Variants in SCAF4 observed in about 807,000 individuals in gnomAD.
The protein encoded by SCAF4 is SR-related CTD associated factor 4, also known as SR-related and CTD-associated factor 4.
In SCAF4, 25 loss-of-function variants were observed where a neutral mutation model predicts 129.8. The ratio of observed to expected loss-of-function variants is 0.19; its 90% CI spans 0.14 to 0.27. The LOEUF is 0.27. Among genes scored for constraint, SCAF4 ranks in the 10% least tolerant of loss-of-function variants. The probability of loss-of-function intolerance (pLI) is 1.00; values close to 1 mark genes in which losing one functional copy is unlikely to be tolerated. For synonymous variants in SCAF4, 551 were observed against 497.7 expected, an observed-to-expected ratio of 1.11 and a Z score of -1.43; for missense variants, 1,246 against 1,457.1, an observed-to-expected ratio of 0.86 and a Z score of 2.36.
rs1241806233 is a variant in SCAF4, at chr21:31,696,674, A to G, written c.854T>C (p.Val285Ala). 4.3e-6 allele frequency: 7 copies of G among 1,613,884 alleles called. No homozygotes were observed. Among genetic ancestry groups the G allele is most frequent in the Non-Finnish European group, 5.9e-6 (7 of 1,179,918 alleles). Residue 285 changes from valine to alanine, a missense_variant, in exon 8 of 20, where the codon GTC (valine) becomes GCC (alanine). Around this residue, in one of 6 missense-constraint regions of SCAF4, gnomAD observed 236 missense variants for 210.0 expected, o/e 1.12. Transcript: ENST00000286835. ...EESKKEDTTA[V>A]TTTAPAAAVP... is the part of the protein sequence containing the mutation. The stretch of plus-strand genomic sequence containing the variant: ...TGCGGCAGCAGGTGCTGTCGTGGTG[A>G]CGGCAGTGGTATCCTCTTTCTTTGA...
rs985617616 is a variant in SCAF4 at position 31,680,989 on chromosome 21, G to A, written c.2488+4060C>T. On this transcript the variant is annotated intron_variant, in intron 19 of 19. Transcript: ENST00000286835. Reference sequence around the variant, plus strand: ...TTCTGTCCCCACAATTTCCTGAGGTGTCCAAATCTGGAATCATCAACTCAA... The same window carrying A: ...TTCTGTCCCCACAATTTCCTGAGGTATCCAAATCTGGAATCATCAACTCAA... Among the ~76,000 whole-genome samples the A allele has an allele frequency of 1.4e-4, 22 of 152,310 alleles. 1 individual carries two copies. The highest frequency in any genetic ancestry group is 4.1e-4 in the South Asian group (2 of 4,828).
At chr21:31,677,086 C>T (rs931862041) in intron 19 of SCAF4, among the ~76,000 whole-genome samples, 1 of 152,028 alleles carries the variant, frequency 6.6e-6, no homozygotes. Context: ...CCCTAGTTGG[C>T]TTATCATTTT....
In SCAF4 at chr21:31,731,870, AGAGGCG is replaced by A. The variant is rs1412718916; in HGVS notation, c.-184_-179del. On this transcript the variant is annotated 5_prime_UTR_variant, in exon 1 of 20. Coordinates refer to ENST00000286835, the MANE Select transcript of SCAF4 (RefSeq NM_020706.2). ...AAGCGGCGAGGCGGGCGGCCGAGGC[AGAGGCG>A]GAGAGGTGGCGGGCCCCCTCTCAGT... is the stretch of plus-strand genomic sequence containing the variant. 2 of 579,214 alleles carry A rather than the reference AGAGGCG, an allele frequency of 3.5e-6. No homozygotes were observed. The highest frequency in any genetic ancestry group is 5.6e-6 in the Non-Finnish European group (2 of 357,822). The allele number at this position is 579,214 out of a possible 1,614,324, so 35.9% of individuals were successfully genotyped here. A position where few individuals can be genotyped will look rare whatever the true frequency, so the allele number is the denominator to read the frequency against.
intron 1 of SCAF4, among the ~76,000 whole-genome samples, chr21:31,717,874 T>TACACACACACACACACACACACACACAC (rs1402072429): frequency 1.4e-5 from 1 of 73,206 alleles, no homozygotes; most frequent in Admixed American, 1.7e-4. Flanking sequence ...CACACACATA[T>TACACACACACACACACACACACACACAC]ACACATATAT....
chr21:31,671,128 G>T lies in SCAF4; in HGVS notation c.*271C>A. ...TAAATTAAAAAAAAAAAAAAAAATA[G>T]AGAGCACTTCTAATTACGATTTGTA... is the stretch of plus-strand genomic sequence containing the variant. On this transcript the variant is annotated 3_prime_UTR_variant, in exon 20 of 20. Transcript: ENST00000286835. The T allele has an allele frequency of 5.9e-5, 15 of 255,356 alleles. No individual in the cohort carries two copies. Among genetic ancestry groups the T allele is most frequent in the Non-Finnish European group, 7.3e-5 (10 of 136,476 alleles). 15.8% of individuals were successfully genotyped at this position (255,356 alleles called of 1,614,324 possible).
intron 1 of SCAF4, among the ~76,000 whole-genome samples, chr21:31,730,809 T>A (rs1365862744): frequency 6.6e-6 from 1 of 152,222 alleles, no homozygotes; most frequent in East Asian, 1.9e-4. Context: ...TAGAGAACTT[T>A]AAGGCCGCAG....
At chr21:31,698,018 A>T (rs2050429403) in intron 7 of SCAF4, among the ~76,000 whole-genome samples, 1 of 152,226 alleles carries the variant, frequency 6.6e-6, no homozygotes, top group Non-Finnish European at 1.5e-5. Context: ...TAATTCAACA[A>T]CAGGACAGTC....
intron 4 of SCAF4, among the ~76,000 whole-genome samples, chr21:31,703,409 GGTT>G (rs1312402247): frequency 1.3e-5 from 2 of 152,090 alleles, no homozygotes; most frequent in Non-Finnish European, 2.9e-5. Context: ...ATAGGTACAA[GGTT>G]GTTCAGCAGA....
rs1229236323 is a variant in SCAF4, at chr21:31,671,069, ATTG to A, written c.*327_*329del. ...AATAGAGTTTATTAAAAACATCCCT[ATTG>A]TTTTGAGGAGCTTTCACCGTTACCT... On this transcript the variant is annotated 3_prime_UTR_variant, in exon 20 of 20. Transcript: ENST00000286835. 3.6e-5 allele frequency: 8 copies of A among 220,342 alleles called. No individual in the cohort carries two copies. The highest frequency in any genetic ancestry group is 6.2e-5 in the Non-Finnish European group (7 of 113,352). The allele number at this position is 220,342 out of a possible 1,614,324, so 13.6% of individuals were successfully genotyped here.
intron 15 of SCAF4, 71 bp downstream of exon 15, chr21:31,690,726 G>A (rs1343254489): frequency 7.1e-7 from 1 of 1,404,510 alleles, no homozygotes; most frequent in African/African-American, 1.4e-5. Context: ...GCAAGGAACA[G>A]GACATTCGAT....
At chr21:31,688,186 T>C in intron 16 of SCAF4, 121 bp downstream of exon 16, 1 of 444,462 alleles carries the variant, frequency 2.2e-6, no homozygotes, top group Non-Finnish European at 3.3e-6. Flanking sequence ...ACATGAAAAA[T>C]GTAATATGCA....
At chr21:31,722,057 A>T (rs1020103419) in intron 1 of SCAF4, among the ~76,000 whole-genome samples, 1 of 152,184 alleles carries the variant, frequency 6.6e-6, no homozygotes, top group African/African-American at 2.4e-5. Flanking sequence ...GGGATAAAAT[A>T]TATCGCCCCC....
At chr21:31,697,051 A>C in intron 7 of SCAF4, among the ~76,000 whole-genome samples, 1 of 152,182 alleles carries the variant, frequency 6.6e-6, no homozygotes, top group East Asian at 1.9e-4. Flanking sequence ...GTTTTTCTAA[A>C]ATACTCATTT....
intron 16 of SCAF4, among the ~76,000 whole-genome samples, chr21:31,686,840 G>A (rs1354562680): frequency 6.6e-6 from 1 of 152,192 alleles, no homozygotes; most frequent in Admixed American, 6.5e-5. Flanking sequence ...GATGATCTGA[G>A]GTGGAGCAGC....
intron 1 of SCAF4, among the ~76,000 whole-genome samples, chr21:31,716,286 T>A (rs1205907639): frequency 6.6e-6 from 1 of 152,156 alleles, no homozygotes; most frequent in African/African-American, 2.4e-5. Context: ...TTTGGTAGTA[T>A]GACCTCCAAG....
At chr21:31,709,854 TAAA>T (rs560133020) in intron 1 of SCAF4, among the ~76,000 whole-genome samples, 2 of 135,608 alleles carry the variant, frequency 1.5e-5, no homozygotes, top group South Asian at 2.4e-4. Flanking sequence ...AGATGATACT[TAAA>T]AAAAAAAAAA....
At chr21:31,716,094 A>G (rs1028678116) in intron 1 of SCAF4, among the ~76,000 whole-genome samples, 5 of 152,178 alleles carry the variant, frequency 3.3e-5, no homozygotes, top group Non-Finnish European at 5.9e-5. Flanking sequence ...AATAAGAATT[A>G]GAAGACTATA....
chr21:31,680,331 G>C (rs1471115931), intron 19 of SCAF4, among the ~76,000 whole-genome samples: 1 of 152,166 alleles, frequency 6.6e-6, no homozygotes, highest in Non-Finnish European at 1.5e-5. Flanking sequence ...CCAAGTATTT[G>C]TTCTAGATTA....
intron 1 of SCAF4, among the ~76,000 whole-genome samples, chr21:31,717,904 T>TACACACACAC (rs35191665): frequency 1.4e-3 from 168 of 117,990 alleles, no homozygotes; most frequent in Middle Eastern, 7.9e-3. Flanking sequence ...TACACATATA[T>TACACACACAC]ACACACACAC....
Sources: allele counts gnomAD v4.1 joint callset (sites outside exome capture counted in the v4.1 genomes callset), GRCh38; gene constraint gnomAD v4.1.1; regional missense constraint gnomAD v4.1.1; transcripts MANE v1.5; gene names NCBI Gene and HGNC (gene_info 2026-07-23, HGNC 2026-07-21).